Variants in OXR1 observed in about 807,000 individuals in gnomAD.
OXR1 encodes oxidation resistance protein 1.
In OXR1, 41 loss-of-function variants were observed where a neutral mutation model predicts 104.6. That is an observed-to-expected ratio of 0.39 (90% CI 0.31 to 0.51). The LOEUF is 0.51. Ranked by LOEUF, OXR1 falls within the 20% of genes least tolerant of loss-of-function variation. The pLI is 0.77. For missense variants in OXR1, 955 were observed against 1,031.9 expected, an observed-to-expected ratio of 0.93 and a Z score of 1.02; for synonymous variants, 348 against 348.4, an observed-to-expected ratio of 1.00 and a Z score of 0.01.
chr8:106,558,192 A>G (rs1170704209), intron 3 of OXR1, among the ~76,000 whole-genome samples: 2 of 152,238 alleles, frequency 1.3e-5, no homozygotes, highest in African/African-American at 4.8e-5. Flanking sequence ...GGACATATGC[A>G]TAGGAAAAGC....
intron 3 of OXR1, among the ~76,000 whole-genome samples, chr8:106,527,591 C>T (rs1350466937): frequency 6.6e-6 from 1 of 152,212 alleles, no homozygotes; most frequent in East Asian, 1.9e-4. Context: ...TTTTAGCCTT[C>T]TGATTAACTA....
At chr8:106,325,002 A>G (rs954194075) in intron 1 of OXR1, among the ~76,000 whole-genome samples, 3 of 152,202 alleles carry the variant, frequency 2.0e-5, no homozygotes. Flanking sequence ...TCCTGCTAAT[A>G]GTGTGACCTC....
intron 3 of OXR1, among the ~76,000 whole-genome samples, chr8:106,663,319 A>G (rs926361422): frequency 4.6e-5 from 7 of 152,198 alleles, no homozygotes; most frequent in Admixed American, 6.5e-5. Flanking sequence ...AGTCCTTGAG[A>G]TAGGGGAAAA....
chr8:106,388,701 C>T (rs1311291304), intron 2 of OXR1, among the ~76,000 whole-genome samples: 1 of 152,210 alleles, frequency 6.6e-6, no homozygotes, highest in African/African-American at 2.4e-5. Flanking sequence ...GGATTACAGG[C>T]GTGAGCCACC....
intron 2 of OXR1, among the ~76,000 whole-genome samples, chr8:106,512,804 TA>T (rs1467618834): frequency 6.6e-6 from 1 of 151,534 alleles, no homozygotes; most frequent in Non-Finnish European, 1.5e-5. Context: ...AAAGGGAAGA[TA>T]AGACAAAAAA....
rs143937794 is a variant in OXR1, at chr8:106,692,797, G to C, written c.595G>C (p.Val199Leu). ...CACTGGTATTCGACCTGCACGAGTT[G>C]TATCTTCAACTTCTGAGGAGGAGGA... Reference protein sequence around the residue: ...TFTGIRPARVVSSTSEEEEAF... With the variant: ...TFTGIRPARVLSSTSEEEEAF... Residue 199 changes from valine to leucine, a missense_variant, in exon 7 of 17, where the codon GTA becomes CTA. Physicochemically the swap from Val to Leu is conservative, Grantham distance 32. Coordinates refer to ENST00000517566, the MANE Select transcript of OXR1 (RefSeq NM_001198533.2). 8 of 1,603,930 alleles carry C rather than the reference G, an allele frequency of 5.0e-6. No individual in the cohort carries two copies. Among genetic ancestry groups the C allele is most frequent in the South Asian group, 1.1e-5 (1 of 90,392 alleles).
chr8:106,500,763 T>C (rs935961515), intron 2 of OXR1, among the ~76,000 whole-genome samples: 21 of 152,234 alleles, frequency 1.4e-4, no homozygotes, highest in Non-Finnish European at 1.5e-4. Flanking sequence ...GCATAATGTT[T>C]TCCTTTTAGT....
At chr8:106,449,020 C>G (rs116773047) in intron 2 of OXR1, among the ~76,000 whole-genome samples, 2,059 of 152,124 alleles carry the variant, frequency 0.014, 48 homozygotes, top group African/African-American at 0.047. Context: ...AGTACTTAAC[C>G]AGATTACTTA....
chr8:106,524,879 G>A (rs1813538514), intron 3 of OXR1, among the ~76,000 whole-genome samples: 1 of 152,148 alleles, frequency 6.6e-6, no homozygotes, highest in African/African-American at 2.4e-5. Context: ...GATGCTCAGA[G>A]GGCCTTTATG....
At chr8:106,687,618 G>A (rs1332924622) in intron 6 of OXR1, among the ~76,000 whole-genome samples, 1 of 151,882 alleles carries the variant, frequency 6.6e-6, no homozygotes, top group Admixed American at 6.6e-5. Flanking sequence ...CACTCAGGAG[G>A]CTGAGGTGGG....
chr8:106,658,426 C>T (rs1232063301), intron 3 of OXR1, among the ~76,000 whole-genome samples: 1 of 152,186 alleles, frequency 6.6e-6, no homozygotes, highest in East Asian at 1.9e-4. Flanking sequence ...TTCCTGCTTT[C>T]CTCACCTAGA....
chr8:106,648,845 G>A (rs1301382704), intron 3 of OXR1, among the ~76,000 whole-genome samples: 3 of 152,250 alleles, frequency 2.0e-5, no homozygotes, highest in Middle Eastern at 6.8e-3. Flanking sequence ...AAGAATGAAG[G>A]AGAACTAATA....
chr8:106,340,925 T>C (rs983847428), intron 1 of OXR1, among the ~76,000 whole-genome samples: 1 of 152,198 alleles, frequency 6.6e-6, no homozygotes, highest in African/African-American at 2.4e-5. Context: ...AATCTTAGTG[T>C]AATCTCAAAG....
intron 1 of OXR1, among the ~76,000 whole-genome samples, chr8:106,349,821 A>G (rs993636646): frequency 6.6e-6 from 1 of 152,188 alleles, no homozygotes; most frequent in Non-Finnish European, 1.5e-5. Context: ...TATGAGCTAT[A>G]GAGGCACAGG....
intron 2 of OXR1, among the ~76,000 whole-genome samples, chr8:106,404,594 CT>C (rs1207519503): frequency 4.9e-4 from 72 of 147,362 alleles, no homozygotes; most frequent in African/African-American, 1.1e-3. Context: ...TTAGCTCATT[CT>C]TTTTTTTTTT....
chr8:106,677,165 C>T (rs927699045), intron 3 of OXR1, among the ~76,000 whole-genome samples: 4 of 78,204 alleles, frequency 5.1e-5, no homozygotes, highest in Admixed American at 2.3e-4. Flanking sequence ...TATTGCATTG[C>T]TTGAGAAGTT....
chr8:106,325,362 G>A (rs1441531402), intron 1 of OXR1, among the ~76,000 whole-genome samples: 5 of 152,040 alleles, frequency 3.3e-5, no homozygotes, highest in South Asian at 2.1e-4. Context: ...CTTTTCCTTC[G>A]GAAGACTTGC....
At chr8:106,415,942 A>G (rs373545289) in intron 2 of OXR1, among the ~76,000 whole-genome samples, 2 of 152,142 alleles carry the variant, frequency 1.3e-5, no homozygotes, top group Non-Finnish European at 2.9e-5. Flanking sequence ...TCTTAGAACT[A>G]TCATGCTTGG....
intron 3 of OXR1, among the ~76,000 whole-genome samples, chr8:106,557,548 TAC>T (rs1407396039): frequency 1.9e-4 from 12 of 64,558 alleles, no homozygotes; most frequent in East Asian, 6.5e-4. Flanking sequence ...TTTAGAATTC[TAC>T]TTTTTTTTTT....
Sources: gnomAD v4.1 joint callset for allele counts (sites outside exome capture counted in the v4.1 genomes callset) on GRCh38, gnomAD v4.1.1 for gene constraint, MANE v1.5 for transcripts, NCBI Gene and HGNC (gene_info 2026-07-23, HGNC 2026-07-21) for gene names.